The following PROK2 variants were observed in gnomAD, a reference collection of about 807,000 sequenced individuals.
The protein encoded by PROK2 is prokineticin 2, also known as prokineticin-2.
PROK2 carries 8 observed loss-of-function variants against 14.2 expected under a neutral mutation model. The observed-to-expected ratio is 0.56, with a 90% CI of 0.33 to 1.02. The LOEUF (loss-of-function observed/expected upper bound fraction) is 1.02, where lower values mean the gene tolerates loss of function less well. Among genes scored for constraint, PROK2 ranks in the 50% least tolerant of loss-of-function variants. The pLI is 0.03. For synonymous variants in PROK2, 59 were observed against 60.7 expected (o/e 0.97, Z 0.13); for missense variants, 154 against 160.4 (o/e 0.96, Z 0.22).
chr3:71,774,301 G>A, intron 3 of PROK2, 144 bp downstream of exon 3: 2 of 1,447,074 alleles, frequency 1.4e-6, no homozygotes, highest in East Asian at 2.5e-5. Context: ...TATCAAAGCT[G>A]TCTACAGATA....
chr3:71,778,864 A>G (rs2050140471), intron 2 of PROK2, among the ~76,000 whole-genome samples: 1 of 152,254 alleles, frequency 6.6e-6, no homozygotes, highest in Non-Finnish European at 1.5e-5. Flanking sequence ...TAAAAAAGCA[A>G]CCAATATGAA....
chr3:71,772,840 AG>A lies in PROK2; in HGVS notation c.286-13del, dbSNP rs2050091200. The A allele has an allele frequency of 6.2e-7, 1 of 1,609,672 alleles. No individual in the cohort carries two copies. Among genetic ancestry groups the A allele is most frequent in the Non-Finnish European group, 8.5e-7 (1 of 1,175,950 alleles). ...CCAAAAAATGGAACCTAAATAAAAA[AG>A]AAAACGGAGTCAGAGCTGGAAAGGT... is the stretch of plus-strand genomic sequence containing the variant. On this transcript the variant is annotated splice_polypyrimidine_tract_variant and intron_variant, in intron 3 of 3. Transcript: ENST00000295619.
At chr3:71,775,685 G>A (rs1216543820) in intron 2 of PROK2, among the ~76,000 whole-genome samples, 1 of 152,192 alleles carries the variant, frequency 6.6e-6, no homozygotes, top group African/African-American at 2.4e-5. Flanking sequence ...TCAGCTAGGA[G>A]GGGAAAGTGC....
intron 1 of PROK2, 98 bp downstream of exon 1, chr3:71,784,859 C>T (rs1036000936): frequency 3.7e-6 from 4 of 1,070,634 alleles, no homozygotes; most frequent in Non-Finnish European, 4.8e-6. Context: ...GCGACCCTCC[C>T]TTTGCCTCTA....
At chr3:71,781,343 T>A in intron 2 of PROK2, 124 bp downstream of exon 2, 1 of 1,269,372 alleles carries the variant, frequency 7.9e-7, no homozygotes, top group Non-Finnish European at 1.1e-6. Flanking sequence ...TACACTGTTA[T>A]CCTTGCTAAT....
At chr3:71,779,798 C>T (rs377047981) in intron 2 of PROK2, among the ~76,000 whole-genome samples, 9 of 151,938 alleles carry the variant, frequency 5.9e-5, no homozygotes, top group East Asian at 3.9e-4. Context: ...TCTATAGAGA[C>T]GGGGTCTCAC....
chr3:71,781,417 C>CA (rs1259924053), intron 2 of PROK2, 50 bp downstream of exon 2: 1 of 1,601,656 alleles, frequency 6.2e-7, no homozygotes, highest in Admixed American at 1.7e-5. Context: ...AGACCCTGCT[C>CA]AGAGTTACCA....
Position 71,772,600 on chromosome 3 carries a change from G to T in PROK2, c.*124C>A. 1.0e-5 allele frequency: 8 copies of T among 788,210 alleles called. No individual in the cohort carries two copies. The highest frequency in any genetic ancestry group is 1.7e-5 in the Non-Finnish European group (8 of 465,554). The allele number at this position is 788,210 out of a possible 1,614,324, so 48.8% of individuals were successfully genotyped here. On this transcript the variant is annotated 3_prime_UTR_variant, in exon 4 of 4. Coordinates refer to ENST00000295619, the MANE Select transcript of PROK2 (RefSeq NM_001126128.2). ...TCATTTACAAATCAAAGATAAAAATGTTACTTGGAAAGTTGAGGAAGCAAG... is the reference window on the plus strand; with the variant it reads ...TCATTTACAAATCAAAGATAAAAATTTTACTTGGAAAGTTGAGGAAGCAAG...
intron 1 of PROK2, among the ~76,000 whole-genome samples, chr3:71,784,431 C>T (rs2050194444): frequency 6.6e-6 from 1 of 152,164 alleles, no homozygotes; most frequent in African/African-American, 2.4e-5. Context: ...CTTTTCAAAG[C>T]GCTCACATGG....
At chr3:71,778,324 T>C (rs2050135660) in intron 2 of PROK2, among the ~76,000 whole-genome samples, 1 of 152,184 alleles carries the variant, frequency 6.6e-6, no homozygotes, top group African/African-American at 2.4e-5. Flanking sequence ...CTAGGTGAAC[T>C]CATATATCTC....
intron 2 of PROK2, among the ~76,000 whole-genome samples, chr3:71,780,551 C>T (rs923368545): frequency 6.6e-6 from 1 of 152,208 alleles, no homozygotes; most frequent in Non-Finnish European, 1.5e-5. Flanking sequence ...CTCTCGAAAA[C>T]CACCTGCCCT....
At chr3:71,784,109 A>G (rs2050191547) in intron 1 of PROK2, among the ~76,000 whole-genome samples, 1 of 152,266 alleles carries the variant, frequency 6.6e-6, no homozygotes, top group Non-Finnish European at 1.5e-5. Flanking sequence ...GAAGTTGAAC[A>G]ACCAGGAAAT....
intron 2 of PROK2, among the ~76,000 whole-genome samples, chr3:71,776,363 C>CTTTTTTTTTTTTT (rs2050118816): frequency 2.4e-4 from 22 of 92,066 alleles, no homozygotes; most frequent in African/African-American, 8.5e-4. Context: ...TTTCGCTTTT[C>CTTTTTTTTTTTTT]ATTTTTTTTT....
At chr3:71,775,227 T>A (rs1157593087) in intron 2 of PROK2, among the ~76,000 whole-genome samples, 1 of 152,184 alleles carries the variant, frequency 6.6e-6, no homozygotes, top group Non-Finnish European at 1.5e-5. Context: ...ATAATGAGCA[T>A]GTTAAACTGT....
At chr3:71,775,598 C>A (rs1329213278) in intron 2 of PROK2, among the ~76,000 whole-genome samples, 7 of 152,140 alleles carry the variant, frequency 4.6e-5, no homozygotes, top group African/African-American at 1.7e-4. Context: ...AACCTCAGCA[C>A]CAGATTTTTG....
intron 2 of PROK2, among the ~76,000 whole-genome samples, chr3:71,778,065 T>C (rs1267104139): frequency 1.3e-5 from 2 of 151,908 alleles, no homozygotes; most frequent in Admixed American, 6.6e-5. Context: ...GGCGTGGTTG[T>C]GGGCGCCTGT....
chr3:71,780,181 G>A (rs2050150547), intron 2 of PROK2, among the ~76,000 whole-genome samples: 1 of 152,156 alleles, frequency 6.6e-6, no homozygotes, highest in Non-Finnish European at 1.5e-5. Flanking sequence ...CAGGAGGGAT[G>A]GTTTAAATGT....
In PROK2 at chr3:71,774,480, T is replaced by C; in HGVS notation, c.250A>G (p.Arg84Gly). 3 of 1,551,288 alleles carry C rather than the reference T, an allele frequency of 1.9e-6. No individual in the cohort carries two copies. The highest frequency in any genetic ancestry group is 3.3e-4 in the Middle Eastern group (2 of 6,014). Residue 84 changes from arginine (R) to glycine (G), a missense_variant, in exon 3 of 4, where the codon AGA becomes GGA. Coordinates refer to ENST00000295619, the MANE Select transcript of PROK2 (RefSeq NM_001126128.2). ...CTTTTGCTTCTCTTCCTCTTTCTTC[T>C]TTCCTGCCTTCCATTTCCAAAATTG... is the stretch of plus-strand genomic sequence containing the variant. ...KNNFGNGRQE[R>G]RKRKRSKRKK... is the part of the protein sequence containing the mutation.
chr3:71,779,747 CA>C (rs2050147107), intron 2 of PROK2, among the ~76,000 whole-genome samples: 2 of 152,094 alleles, frequency 1.3e-5, no homozygotes, highest in Non-Finnish European at 2.9e-5. Flanking sequence ...ATTAGGACTA[CA>C]GGTGTGTGCC....
Sources: allele counts gnomAD v4.1 joint callset (sites outside exome capture counted in the v4.1 genomes callset), GRCh38; gene constraint gnomAD v4.1.1; transcripts MANE v1.5; gene names NCBI Gene and HGNC (gene_info 2026-07-23, HGNC 2026-07-21).